The following YES1 variants were observed in gnomAD, a reference collection of about 807,000 sequenced individuals.
The protein encoded by YES1 is YES proto-oncogene 1, Src family tyrosine kinase.
Under a neutral mutation model 70.4 loss-of-function variants are expected in YES1, and 39 were observed. The ratio of observed to expected loss-of-function variants is 0.55; its 90% CI spans 0.43 to 0.72. The LOEUF (loss-of-function observed/expected upper bound fraction) is 0.72. YES1 is among the 30% of genes least tolerant of loss of function. The pLI is 0.00. For synonymous variants in YES1, 198 were observed against 218.6 expected (o/e 0.91, Z 0.83); for missense variants, 495 against 644.8 (o/e 0.77, Z 2.52).
intron 11 of YES1, among the ~76,000 whole-genome samples, chr18:731,883 C>T (rs1015432781): frequency 5.7e-5 from 8 of 139,612 alleles, no homozygotes; most frequent in African/African-American, 8.1e-5. Context: ...AGGAGAATGG[C>T]GTGAAGCTGG....
chr18:790,954 T>A (rs1032151444), intron 1 of YES1, among the ~76,000 whole-genome samples: 1 of 152,150 alleles, frequency 6.6e-6, no homozygotes, highest in African/African-American at 2.4e-5. Context: ...AAAAAAATAT[T>A]TTTTTAAAGT....
At chr18:733,857 T>C (rs902675706) in intron 10 of YES1, among the ~76,000 whole-genome samples, 2 of 150,552 alleles carry the variant, frequency 1.3e-5, no homozygotes, top group African/African-American at 4.9e-5. Context: ...AATAATATTA[T>C]AGGTGTCTTA....
Position 743,066 on chromosome 18 carries a change from G to C in YES1, c.912C>G (p.Ile304Met), listed in dbSNP as rs1318314308. Residue 304 changes from isoleucine to methionine, a missense_variant, in exon 8 of 12, where the codon ATC (isoleucine) becomes ATG (methionine). Physicochemically the swap from Ile to Met is conservative, Grantham distance 10. Transcript: ENST00000314574. ...TCATTGTACCTGGTTTTAGTGTTTT[G>C]ATTGCTACTTTCGTGGTTCCATTCC... ...GTWNGTTKVA[I>M]KTLKPGTMMP... 2 of 1,601,482 alleles carry C rather than the reference G, an allele frequency of 1.2e-6. No individual in the cohort carries two copies. Among genetic ancestry groups the C allele is most frequent in the Non-Finnish European group, 8.5e-7 (1 of 1,176,936 alleles).
At chr18:737,913 T>A (rs1164156409) in intron 9 of YES1, 2 of 152,160 alleles carry the variant, frequency 1.3e-5, no homozygotes, top group African/African-American at 4.8e-5. Context: ...AGAGATGGGG[T>A]TTCACTATGT....
intron 2 of YES1, among the ~76,000 whole-genome samples, chr18:753,228 AATAT>A (rs2080364359): frequency 6.6e-6 from 1 of 152,174 alleles, no homozygotes; most frequent in South Asian, 2.1e-4. Flanking sequence ...GATGCTTTGA[AATAT>A]ATATACATTG....
intron 1 of YES1, among the ~76,000 whole-genome samples, chr18:758,204 A>G (rs927519121): frequency 7.2e-5 from 11 of 152,218 alleles, no homozygotes; most frequent in African/African-American, 2.7e-4. Context: ...AAACATTTTA[A>G]TGACATTTTA....
intron 11 of YES1, among the ~76,000 whole-genome samples, chr18:731,035 G>A (rs1377159676): frequency 6.6e-6 from 1 of 152,176 alleles, no homozygotes; most frequent in African/African-American, 2.4e-5. Flanking sequence ...GTGAGAAGCA[G>A]GAAAAGGTGG....
intron 11 of YES1, 25 bp downstream of exon 11, chr18:732,809 C>G: frequency 6.2e-7 from 1 of 1,613,950 alleles, no homozygotes; most frequent in Non-Finnish European, 8.5e-7. Context: ...ATGAGATAAC[C>G]AAGAGCTATA....
intron 1 of YES1, among the ~76,000 whole-genome samples, chr18:799,585 C>A (rs12955086): frequency 0.072 from 10,986 of 152,040 alleles, 541 homozygotes; most frequent in Middle Eastern, 0.11. Flanking sequence ...TGGTGCATGC[C>A]CGTAATGAGC....
intron 1 of YES1, among the ~76,000 whole-genome samples, chr18:765,421 C>T (rs1454765186): frequency 1.7e-4 from 22 of 127,862 alleles, no homozygotes; most frequent in East Asian, 1.6e-3. Context: ...TTTTTTGAGA[C>T]GGAGTCTCGC....
chr18:773,854 C>T (rs1231822977), intron 1 of YES1, among the ~76,000 whole-genome samples: 3 of 150,462 alleles, frequency 2.0e-5, no homozygotes, highest in East Asian at 1.9e-4. Flanking sequence ...TTTTTTGAGA[C>T]GGAATCTTGC....
At position 722,229 on chromosome 18, in the gene YES1, A is replaced by G. The variant is rs556075568; in HGVS notation, c.*2195T>C. 1 of 152,778 alleles carries G rather than the reference A, an allele frequency of 6.5e-6. No individual in the cohort carries two copies. The highest frequency in any genetic ancestry group is 2.1e-4 in the South Asian group (1 of 4,826). 9.5% of individuals were successfully genotyped at this position (152,778 alleles called of 1,614,324 possible). A position where few individuals can be genotyped will look rare whatever the true frequency, so the allele number is the denominator to read the frequency against. ...AAATCTCATGTCACAAGTTGTTGAT[A>G]AGAGGAAATAATGACAGCACTCTTC... On this transcript the variant is annotated 3_prime_UTR_variant, in exon 12 of 12. Transcript: ENST00000314574.
chr18:807,792 G>T (rs1907173236), intron 1 of YES1, among the ~76,000 whole-genome samples: 1 of 152,142 alleles, frequency 6.6e-6, no homozygotes. Context: ...CCCTCTTGAA[G>T]GCCTTCCACT....
At chr18:783,600 C>A (rs1462230907) in intron 1 of YES1, among the ~76,000 whole-genome samples, 1 of 149,798 alleles carries the variant, frequency 6.7e-6, no homozygotes, top group East Asian at 1.9e-4. Context: ...TAAGCTTCTA[C>A]ATGTATCAAT....
chr18:793,283 C>T (rs531856282), intron 1 of YES1, among the ~76,000 whole-genome samples: 13 of 152,224 alleles, frequency 8.5e-5, no homozygotes, highest in African/African-American at 3.1e-4. Flanking sequence ...TCGTGATCCA[C>T]CCACCTCGGC....
intron 2 of YES1, 95 bp from the exon 3 acceptor site, chr18:751,899 G>T: frequency 1.2e-6 from 1 of 801,584 alleles, no homozygotes; most frequent in Non-Finnish European, 2.1e-6. Flanking sequence ...AAAAGCTTAA[G>T]GATAGTTTTT....
At chr18:729,468 T>A (rs562535993) in intron 11 of YES1, among the ~76,000 whole-genome samples, 4 of 151,982 alleles carry the variant, frequency 2.6e-5, no homozygotes, top group African/African-American at 9.7e-5. Flanking sequence ...CTTTTTTTTT[T>A]AATAGATTCC....
chr18:734,529 C>G (rs2145683751), intron 10 of YES1, among the ~76,000 whole-genome samples: 1 of 152,170 alleles, frequency 6.6e-6, no homozygotes, highest in East Asian at 1.9e-4. Flanking sequence ...GCACTCCAGC[C>G]TGGGTGACAG....
chr18:762,671 G>T (rs375264645), intron 1 of YES1, among the ~76,000 whole-genome samples: 73 of 152,080 alleles, frequency 4.8e-4, no homozygotes, highest in African/African-American at 1.7e-3. Flanking sequence ...ACACTACTCC[G>T]GTGACGGGTG....
Sources: gnomAD v4.1 joint callset for allele counts (sites outside exome capture counted in the v4.1 genomes callset) on GRCh38, gnomAD v4.1.1 for gene constraint, MANE v1.5 for transcripts, NCBI Gene and HGNC (gene_info 2026-07-23, HGNC 2026-07-21) for gene names.